The following AMPH variants were observed in gnomAD, a reference collection of about 807,000 sequenced individuals.
AMPH encodes amphiphysin, also known as amphiphysin (Stiff-Mann syndrome with breast cancer 128kD autoantigen).
AMPH carries 49 observed loss-of-function variants against 99.1 expected under a neutral mutation model. The ratio of observed to expected loss-of-function variants is 0.49; its 90% confidence interval spans 0.39 to 0.63. The LOEUF (loss-of-function observed/expected upper bound fraction) is 0.63, where lower values mean the gene tolerates loss of function less well. Among genes scored for constraint, AMPH ranks in the 20% least tolerant of loss-of-function variants. The pLI, the probability that AMPH is intolerant of heterozygous loss-of-function variation, is 0.00. For missense variants in AMPH, 759 were observed against 863.4 expected (o/e 0.88, Z 1.52); for synonymous variants, 314 against 317.3 (o/e 0.99, Z 0.11).
rs1554331323 is a variant in AMPH at position 38,406,717 on chromosome 7, T to TCTCC, written c.1398+11107_1398+11108insGGAG. Among the ~76,000 whole-genome samples, 337 of 118,658 alleles carry TCTCC rather than the reference T, an allele frequency of 2.8e-3. 7 individuals are homozygous for TCTCC. Among genetic ancestry groups the TCTCC allele is most frequent in the Non-Finnish European group, 4.2e-3 (233 of 55,066 alleles). 77.8% of individuals were successfully genotyped at this position (118,658 alleles called of 152,430 possible). A position where few individuals can be genotyped will look rare whatever the true frequency, so the allele number is the denominator to read the frequency against. On this transcript the variant is annotated intron_variant, in intron 17 of 20. Coordinates refer to ENST00000356264, the MANE Select transcript of AMPH (RefSeq NM_001635.4). ...GCTCTGAGTTCTCTCTCCTCTCCTCTCTCTCTCCCTTTCCCTCTCTCTCTC... is the reference window on the plus strand; with the variant it reads ...GCTCTGAGTTCTCTCTCCTCTCCTCTCTCCCTCTCTCCCTTTCCCTCTCTCTCTC...
chr7:38,415,646 C>A (rs528646211), intron 17 of AMPH, among the ~76,000 whole-genome samples: 2 of 152,156 alleles, frequency 1.3e-5, no homozygotes, highest in Admixed American at 6.5e-5. Flanking sequence ...TGATTTCATC[C>A]AAGTATGTCC....
At chr7:38,417,759 T>C (rs1222945001) in intron 17 of AMPH, 66 bp downstream of exon 17, 3 of 1,584,908 alleles carry the variant, frequency 1.9e-6, no homozygotes, top group African/African-American at 1.3e-5. Context: ...GCGATGCATA[T>C]GGTCATGAGA....
chr7:38,387,831 A>G (rs375658022), intron 20 of AMPH, among the ~76,000 whole-genome samples: 2 of 151,870 alleles, frequency 1.3e-5, no homozygotes, highest in South Asian at 4.1e-4. Context: ...ACTGATGAAA[A>G]TCAAAGATAC....
chr7:38,466,185 C>T lies in AMPH; in HGVS notation c.654G>A (p.Lys218=). Residue 218 remains lysine (K), a synonymous_variant, in exon 8 of 21, where the codon AAG becomes AAA. Transcript: ENST00000356264. ...NVSSLEAKFH[K]EIAVLCHKLY... ...CGTCATGACTCACCACCGCAATTTC[C>T]TTATGAAACTTGGCTTCAAGGCTGG... 6.2e-7 allele frequency: 1 copy of T among 1,602,328 alleles called. No homozygotes were observed. The highest frequency in any genetic ancestry group is 1.1e-5 in the South Asian group (1 of 88,336).
At chr7:38,505,017 G>A (rs1789271278) in intron 2 of AMPH, among the ~76,000 whole-genome samples, 1 of 152,096 alleles carries the variant, frequency 6.6e-6, no homozygotes, top group South Asian at 2.1e-4. Context: ...AAAGAGTGGT[G>A]GTGGGGGGAC....
At chr7:38,492,579 A>G (rs1310065205) in intron 4 of AMPH, among the ~76,000 whole-genome samples, 1 of 152,248 alleles carries the variant, frequency 6.6e-6, no homozygotes, top group Non-Finnish European at 1.5e-5. Flanking sequence ...CATGCAAACC[A>G]AAACATTTAA....
At chr7:38,460,755 A>G (rs1017806034) in intron 11 of AMPH, among the ~76,000 whole-genome samples, 2 of 152,188 alleles carry the variant, frequency 1.3e-5, no homozygotes, top group African/African-American at 4.8e-5. Flanking sequence ...ATGCAAACAT[A>G]CAGTTAGATT....
At chr7:38,489,706 C>T (rs10232219) in intron 5 of AMPH, among the ~76,000 whole-genome samples, 8 of 152,030 alleles carry the variant, frequency 5.3e-5, no homozygotes, top group African/African-American at 9.7e-5. Context: ...ACTTAAAAAT[C>T]GGCAATGGAC....
At chr7:38,566,899 G>T (rs1791764408) in intron 1 of AMPH, among the ~76,000 whole-genome samples, 1 of 152,192 alleles carries the variant, frequency 6.6e-6, no homozygotes, top group Non-Finnish European at 1.5e-5. Context: ...ACAGATGCTG[G>T]AGAGGATGTG....
chr7:38,395,220 A>G (rs1784634118), intron 17 of AMPH, among the ~76,000 whole-genome samples: 1 of 128,300 alleles, frequency 7.8e-6, no homozygotes, highest in African/African-American at 2.8e-5. Flanking sequence ...AATCACTTTC[A>G]CAGGAAAAAA....
At chr7:38,489,767 A>C (rs1476379266) in intron 5 of AMPH, among the ~76,000 whole-genome samples, 1 of 152,128 alleles carries the variant, frequency 6.6e-6, no homozygotes, top group Non-Finnish European at 1.5e-5. Context: ...AGAAGCAAAG[A>C]ATACATAGAA....
intron 1 of AMPH, among the ~76,000 whole-genome samples, chr7:38,585,935 T>C (rs1293068562): frequency 2.6e-5 from 4 of 152,232 alleles, no homozygotes; most frequent in Admixed American, 2.6e-4. Context: ...GCAGCTAGCC[T>C]GAGAGATTTT....
intron 11 of AMPH, among the ~76,000 whole-genome samples, chr7:38,450,745 A>G (rs945969068): frequency 6.6e-6 from 1 of 152,182 alleles, no homozygotes; most frequent in Admixed American, 6.6e-5. Context: ...TGTTGCTGAT[A>G]AGCTTATTTC....
chr7:38,522,331 G>A (rs1475931802), intron 2 of AMPH, among the ~76,000 whole-genome samples: 1 of 152,082 alleles, frequency 6.6e-6, no homozygotes, highest in Non-Finnish European at 1.5e-5. Flanking sequence ...GTTTAGTATT[G>A]TTATAGCCCA....
rs968557849 is a variant in AMPH at position 38,497,628 on chromosome 7, G to T, written c.206-3101C>A. 2.0e-5 allele frequency among the ~76,000 whole-genome samples: 3 copies of T among 152,126 alleles called. No homozygotes were observed. The South Asian group carries it at 6.2e-4, about 32-fold the overall frequency. ...AATAACATCAGTTAAAATAAATTAC[G>T]ATGATAACAAGCAGCAGCGATAAAC... On this transcript the variant is annotated intron_variant, in intron 3 of 20. Coordinates refer to ENST00000356264, the MANE Select transcript of AMPH (RefSeq NM_001635.4).
At chr7:38,505,560 C>A (rs1162552236) in intron 2 of AMPH, among the ~76,000 whole-genome samples, 1 of 152,090 alleles carries the variant, frequency 6.6e-6, no homozygotes, top group Non-Finnish European at 1.5e-5. Flanking sequence ...TTGAAACATG[C>A]AGAAAGTTTG....
At chr7:38,593,646 C>T (rs980631758) in intron 1 of AMPH, among the ~76,000 whole-genome samples, 3 of 152,234 alleles carry the variant, frequency 2.0e-5, no homozygotes, top group Non-Finnish European at 4.4e-5. Flanking sequence ...CTTTGATTCA[C>T]TTTCATTCGT....
intron 1 of AMPH, among the ~76,000 whole-genome samples, chr7:38,587,950 G>A (rs1792719723): frequency 7.2e-6 from 1 of 139,522 alleles, no homozygotes; most frequent in Non-Finnish European, 1.5e-5. Context: ...GTGTGTGTGT[G>A]CGCGTGTGTG....
chr7:38,527,168 G>A (rs1270592503), intron 2 of AMPH, among the ~76,000 whole-genome samples: 1 of 152,138 alleles, frequency 6.6e-6, no homozygotes, highest in African/African-American at 2.4e-5. Context: ...TCACCTATGT[G>A]GTAGGCCTTA....
Sources: gnomAD v4.1 joint callset for allele counts (sites outside exome capture counted in the v4.1 genomes callset) on GRCh38, gnomAD v4.1.1 for gene constraint, MANE v1.5 for transcripts, NCBI Gene and HGNC (gene_info 2026-07-23, HGNC 2026-07-21) for gene names.